Variants in PCDH15 observed in about 807,000 individuals in gnomAD.
PCDH15 encodes protocadherin related 15.
PCDH15 carries 129 observed loss-of-function variants against 178.5 expected under a neutral mutation model. That is an observed-to-expected ratio of 0.72 (90% CI 0.63 to 0.84). The LOEUF is 0.84. PCDH15 is among the 40% of genes least tolerant of loss of function. The pLI, the probability that PCDH15 is intolerant of heterozygous loss-of-function variation, is 0.00. For synonymous variants in PCDH15, 800 were observed against 732.0 expected, an observed-to-expected ratio of 1.09 and a Z score of -1.50; for missense variants, 2,230 against 2,099.9, an observed-to-expected ratio of 1.06 and a Z score of -1.21.
At chr10:55,248,502 G>A (rs555003638) in intron 1 of PCDH15, among the ~76,000 whole-genome samples, 4 of 152,250 alleles carry the variant, frequency 2.6e-5, no homozygotes, top group African/African-American at 9.6e-5. Context: ...AGGCCAAGAT[G>A]TATGGAATTA....
At chr10:54,606,158 A>G (rs1717675661) in intron 2 of PCDH15, 1 of 152,170 alleles carries the variant, frequency 6.6e-6, no homozygotes, top group African/African-American at 2.4e-5. Flanking sequence ...TCTTTCATAG[A>G]GAATCTGGGA....
At chr10:55,111,206 G>C (rs999076278) in intron 2 of PCDH15, among the ~76,000 whole-genome samples, 1 of 152,064 alleles carries the variant, frequency 6.6e-6, no homozygotes, top group African/African-American at 2.4e-5. Context: ...ACTTTTCACA[G>C]AAAAGTGGTA....
chr10:54,511,198 G>A (rs1486582460), intron 3 of PCDH15, among the ~76,000 whole-genome samples: 1 of 152,070 alleles, frequency 6.6e-6, no homozygotes, highest in African/African-American at 2.4e-5. Context: ...ATTGTACCTC[G>A]TGTGGGTACC....
intron 2 of PCDH15, among the ~76,000 whole-genome samples, chr10:55,601,316 C>T (rs538875538): frequency 6.6e-6 from 1 of 152,194 alleles, no homozygotes; most frequent in East Asian, 1.9e-4. Context: ...TGAACTGAAT[C>T]TTACAGGAAG....
chr10:55,451,633 C>G (rs918914889), intron 2 of PCDH15, among the ~76,000 whole-genome samples: 11 of 152,134 alleles, frequency 7.2e-5, no homozygotes, highest in East Asian at 3.8e-4. Flanking sequence ...TGAATTCATT[C>G]AGAAGCTCAT....
intron 1 of PCDH15, among the ~76,000 whole-genome samples, chr10:54,798,040 C>G (rs747538454): frequency 6.6e-6 from 1 of 152,030 alleles, no homozygotes; most frequent in Non-Finnish European, 1.5e-5. Context: ...TGGGTGTATT[C>G]TCGGTTCTTG....
chr10:54,449,055 C>CA (rs1285895293), intron 3 of PCDH15, among the ~76,000 whole-genome samples: 9 of 151,654 alleles, frequency 5.9e-5, no homozygotes, highest in Non-Finnish European at 1.3e-4. Context: ...TAAGAAAACT[C>CA]AGAGTCTCTA....
At chr10:55,539,589 T>C (rs1841710276) in intron 2 of PCDH15, among the ~76,000 whole-genome samples, 1 of 152,140 alleles carries the variant, frequency 6.6e-6, no homozygotes, top group Admixed American at 6.6e-5. Context: ...TGCAAATTAA[T>C]GTTCAATAAT....
At chr10:54,345,515 G>A (rs1943095314) in intron 6 of PCDH15, among the ~76,000 whole-genome samples, 2 of 152,008 alleles carry the variant, frequency 1.3e-5, no homozygotes, top group Non-Finnish European at 2.9e-5. Flanking sequence ...GAGATGTGAG[G>A]CAAGGCTTCC....
At chr10:55,182,520 TCAGTCCTTA>T (rs1839678490) in intron 1 of PCDH15, among the ~76,000 whole-genome samples, 1 of 152,026 alleles carries the variant, frequency 6.6e-6, no homozygotes, top group African/African-American at 2.4e-5. Context: ...ACTTTACCTA[TCAGTCCTTA>T]CTTTCCTCAT....
At chr10:54,473,290 A>C (rs1478182070) in intron 3 of PCDH15, among the ~76,000 whole-genome samples, 1 of 152,184 alleles carries the variant, frequency 6.6e-6, no homozygotes, top group African/African-American at 2.4e-5. Flanking sequence ...GGATATTTGG[A>C]AGCATATTGA....
At chr10:55,088,403 G>A (rs1353445411) in intron 2 of PCDH15, among the ~76,000 whole-genome samples, 4 of 151,770 alleles carry the variant, frequency 2.6e-5, no homozygotes, top group Admixed American at 2.6e-4. Flanking sequence ...CCAGTAGCTG[G>A]GACTACAGTT....
chr10:54,196,682 T>G (rs1028263003), intron 10 of PCDH15, among the ~76,000 whole-genome samples: 1 of 152,160 alleles, frequency 6.6e-6, no homozygotes, highest in Non-Finnish European at 1.5e-5. Context: ...AATTCGTAAG[T>G]TGAAATTTTA....
chr10:53,828,829 A>C (rs947079362), intron 30 of PCDH15, among the ~76,000 whole-genome samples: 1 of 152,220 alleles, frequency 6.6e-6, no homozygotes, highest in South Asian at 2.1e-4. Flanking sequence ...TAGAATAAGA[A>C]AACTGGATTA....
chr10:54,980,548 G>T (rs1839206086), intron 2 of PCDH15, among the ~76,000 whole-genome samples: 1 of 151,692 alleles, frequency 6.6e-6, no homozygotes, highest in Non-Finnish European at 1.5e-5. Context: ...CAACCTATCT[G>T]GATAATTAAC....
At chr10:53,954,062 T>C (rs888667659) in intron 23 of PCDH15, among the ~76,000 whole-genome samples, 3 of 152,162 alleles carry the variant, frequency 2.0e-5, no homozygotes, top group Admixed American at 6.5e-5. Flanking sequence ...AGTGCTGGGA[T>C]TACAGGTGTG....
intron 5 of PCDH15, among the ~76,000 whole-genome samples, chr10:54,348,371 C>T (rs1474993402): frequency 6.6e-6 from 1 of 152,016 alleles, no homozygotes; most frequent in East Asian, 1.9e-4. Flanking sequence ...GAGACGAGAT[C>T]GTTTAAGTAG....
chr10:54,036,162 T>A (rs2093411993), intron 18 of PCDH15, among the ~76,000 whole-genome samples: 1 of 151,956 alleles, frequency 6.6e-6, no homozygotes. Context: ...AAGCAGCAAG[T>A]GCAGATGCAG....
chr10:54,374,870 C>T (rs1426003612), intron 4 of PCDH15, among the ~76,000 whole-genome samples: 2 of 152,052 alleles, frequency 1.3e-5, no homozygotes, highest in Admixed American at 6.6e-5. Flanking sequence ...TATTCTTCCT[C>T]GGAAATTTTC....
Sources: allele counts gnomAD v4.1 joint callset (sites outside exome capture counted in the v4.1 genomes callset), GRCh38; gene constraint gnomAD v4.1.1; transcripts MANE v1.5; gene names NCBI Gene and HGNC (gene_info 2026-07-23, HGNC 2026-07-21).